SRSF2: variants seen among roughly 807,000 people sequenced by gnomAD.
SRSF2 encodes the protein serine/arginine-rich splicing factor 2.
In SRSF2, 4 loss-of-function variants were observed where a neutral mutation model predicts 15.7. The ratio of observed to expected loss-of-function variants is 0.26; its 90% CI spans 0.13 to 0.58. The LOEUF is 0.58. SRSF2 is among the 20% of genes least tolerant of loss of function. The probability of loss-of-function intolerance (pLI) is 0.90; values close to 1 mark genes in which losing one functional copy is unlikely to be tolerated. For missense variants in SRSF2, 147 were observed against 332.4 expected (o/e 0.44, Z 4.34); for synonymous variants, 192 against 138.9 (o/e 1.38, Z -2.69).
At chr17:76,736,759 G>T (rs2077521367) in intron 1 of SRSF2, 40 bp downstream of exon 1, 2 of 1,396,868 alleles carry the variant, frequency 1.4e-6, no homozygotes, top group African/African-American at 1.5e-5. Context: ...CCTCCCGCGC[G>T]CCCCGCCCCG....
chr17:76,736,559 G>C (rs754830314), intron 1 of SRSF2, 95 bp from the exon 2 acceptor site: 3 of 1,384,542 alleles, frequency 2.2e-6, no homozygotes, highest in Admixed American at 2.4e-5. Flanking sequence ...TTATCTCGCC[G>C]CCAGACGCCA....
At position 76,736,243 on chromosome 17, in the gene SRSF2, A is replaced by G; in HGVS notation, c.584T>C (p.Val195Ala). The G allele has an allele frequency of 1.9e-6, 3 of 1,614,090 alleles. No individual in the cohort carries two copies. Among genetic ancestry groups the G allele is most frequent in the African/African-American group, 1.3e-5 (1 of 75,022 alleles). ...SRSRSRSPPP[V>A]SKRESKSRSR... is the part of the protein sequence containing the mutation. ...CCTGGATTTGGATTCCCTCTTGGAC[A>G]CTGGGGGAGGACTCCTGGACCGAGA... The change falls in exon 2 of 3, where the codon GTG (valine) becomes GCG (alanine). Residue 195 changes from valine (V) to alanine (A), a missense_variant. Around this residue, in one of 2 missense-constraint regions of SRSF2, gnomAD observed 125 missense variants for 185.1 expected, o/e 0.68. Transcript: ENST00000359995.
Position 76,736,940 on chromosome 17 carries a change from G to A in SRSF2, c.221C>T (p.Ala74Val). 1 of 1,613,196 alleles carries A rather than the reference G, an allele frequency of 6.2e-7. No individual in the cohort carries two copies. Among genetic ancestry groups the A allele is most frequent in the Non-Finnish European group, 8.5e-7 (1 of 1,179,908 alleles). Residue 74 changes from alanine to valine, a missense_variant, in exon 1 of 3, where the codon GCC becomes GTC. Transcript: ENST00000359995. ...DKRDAEDAMDAMDGAVLDGRE... is the reference protein window; with the variant it reads ...DKRDAEDAMDVMDGAVLDGRE... ...GCCGTCCAGCACGGCCCCGTCCATG[G>A]CATCCATAGCGTCCTCAGCGTCGCG...
At chr17:76,736,547 CA>C (rs748814345) in intron 1 of SRSF2, 83 bp from the exon 2 acceptor site, 3 of 1,446,798 alleles carry the variant, frequency 2.1e-6, no homozygotes, top group Non-Finnish European at 2.8e-6. Flanking sequence ...CCCAGGCCGC[CA>C]TTATCTCGCC....
chr17:76,736,480 G>A lies in SRSF2; in HGVS notation c.363-16C>T, dbSNP rs983359881. The A allele has an allele frequency of 1.2e-6, 2 of 1,607,542 alleles. No individual in the cohort carries two copies. Among genetic ancestry groups the A allele is most frequent in the Non-Finnish European group, 8.5e-7 (1 of 1,179,700 alleles). The stretch of plus-strand genomic sequence containing the variant: ...CCGCCTAGGGCTGCGGGCGGGACGA[G>A]CAAGCACAGCGGGGTTAATTCCAGG... On this transcript the variant is annotated splice_polypyrimidine_tract_variant and intron_variant, in intron 1 of 2. Transcript: ENST00000359995.
Position 76,737,232 on chromosome 17 carries a change from G to A in SRSF2, c.-72C>T. The A allele has an allele frequency of 6.8e-7, 1 of 1,460,790 alleles. No individual in the cohort carries two copies. The highest frequency in any genetic ancestry group is 9.1e-7 in the Non-Finnish European group (1 of 1,100,776). 90.5% of individuals were successfully genotyped at this position (1,460,790 alleles called of 1,614,324 possible). On this transcript the variant is annotated 5_prime_UTR_variant, in exon 1 of 3. Coordinates refer to ENST00000359995, the MANE Select transcript of SRSF2 (RefSeq NM_001195427.2). ...TCAGCTCTGGGCGGTGCGACGCCGC[G>A]CCTCTCAGGCAGTTGCCTTCCGCGT...
Position 76,734,779 on chromosome 17 carries a change from G to A in SRSF2, c.*387C>T, listed in dbSNP as rs943565755. On this transcript the variant is annotated 3_prime_UTR_variant, in exon 3 of 3. Coordinates refer to ENST00000359995, the MANE Select transcript of SRSF2 (RefSeq NM_001195427.2). ...GCAATGCTGAGTCAATCTCTTGACA[G>A]CTTTAGGCTGTGTGTAATGGCTGCA... 2 of 238,118 alleles carry A rather than the reference G, an allele frequency of 8.4e-6. No individual in the cohort carries two copies. The highest frequency in any genetic ancestry group is 6.5e-5 in the East Asian group (1 of 15,290). 14.8% of individuals were successfully genotyped at this position (238,118 alleles called of 1,614,324 possible). A position where few individuals can be genotyped will look rare whatever the true frequency, so the allele number is the denominator to read the frequency against.
In SRSF2 at chr17:76,734,172, A is replaced by G. The variant is rs1207195617; in HGVS notation, c.*994T>C. On this transcript the variant is annotated 3_prime_UTR_variant, in exon 3 of 3. Transcript: ENST00000359995. ...TAATTAAACTACAGAAACAATGGTT[A>G]TAATACAGAATATTCATAAGCAAAA... is the stretch of plus-strand genomic sequence containing the variant. The G allele has an allele frequency of 4.7e-6, 1 of 213,530 alleles. No homozygotes were observed. The highest frequency in any genetic ancestry group is 9.5e-6 in the Non-Finnish European group (1 of 105,524). The allele number at this position is 213,530 out of a possible 1,614,324, so 13.2% of individuals were successfully genotyped here.
Position 76,737,185 on chromosome 17 carries a change from C to T in SRSF2, c.-25G>A, listed in dbSNP as rs1357754216. On this transcript the variant is annotated 5_prime_UTR_variant, in exon 1 of 3. Transcript: ENST00000359995. Reference sequence around the variant, plus strand: ...TAGCTCTGAGTGGCGGCCCGGAGCCCCGCGAACTGGCGCCGGCTTCCTCAG... The same window carrying T: ...TAGCTCTGAGTGGCGGCCCGGAGCCTCGCGAACTGGCGCCGGCTTCCTCAG... 2.0e-6 allele frequency: 3 copies of T among 1,523,478 alleles called. No individual in the cohort carries two copies. Among genetic ancestry groups the T allele is most frequent in the Non-Finnish European group, 2.7e-6 (3 of 1,129,692 alleles). The allele number at this position is 1,523,478 out of a possible 1,614,324, so 94.4% of individuals were successfully genotyped here.
chr17:76,736,269 C>T lies in SRSF2; in HGVS notation c.558G>A (p.Arg186=), dbSNP rs937212716. The change falls in exon 2 of 3, where the codon CGG becomes CGA. Residue 186 remains arginine (R), a synonymous_variant. Transcript: ENST00000359995. ...CTGGGGGAGGACTCCTGGACCGAGACCGGGACCTGGACCGCGAACGAGATC... is the reference window on the plus strand; with the variant it reads ...CTGGGGGAGGACTCCTGGACCGAGATCGGGACCTGGACCGCGAACGAGATC... ...VSRSRSRSRS[R]SRSRSPPPVS... 5.0e-6 allele frequency: 8 copies of T among 1,614,050 alleles called. No homozygotes were observed. In the Admixed American group the frequency reaches 6.7e-5, roughly 13 times the overall value.
Position 76,736,822 on chromosome 17 carries a change from A to T in SRSF2, c.339T>A (p.Gly113=). 1.3e-6 allele frequency: 2 copies of T among 1,593,024 alleles called. No individual in the cohort carries two copies. Among genetic ancestry groups the T allele is most frequent in the Non-Finnish European group, 1.7e-6 (2 of 1,170,614 alleles). ...ACCTGCGGCTCCGGCGTCCGTAGCCACCGCCCCCGTACCTGCGGGGTGGCG... is the reference window on the plus strand; with the variant it reads ...ACCTGCGGCTCCGGCGTCCGTAGCCTCCGCCCCCGTACCTGCGGGGTGGCG... ...RGPPPRRYGG[G]GYGRRSRSPR... is the part of the protein sequence containing the mutation. Residue 113 remains glycine, a synonymous_variant, in exon 1 of 3, where the codon GGT becomes GGA. Coordinates refer to ENST00000359995, the MANE Select transcript of SRSF2 (RefSeq NM_001195427.2).
At position 76,737,201 on chromosome 17, in the gene SRSF2, G is replaced by A. The variant is rs1239064677; in HGVS notation, c.-41C>T. ...CCCGGAGCCCCGCGAACTGGCGCCG[G>A]CTTCCTCAGCTCTGGGCGGTGCGAC... is the stretch of plus-strand genomic sequence containing the variant. On this transcript the variant is annotated 5_prime_UTR_variant, in exon 1 of 3. Transcript: ENST00000359995. 2.0e-6 allele frequency: 3 copies of A among 1,505,256 alleles called. No individual in the cohort carries two copies. Among genetic ancestry groups the A allele is most frequent in the African/African-American group, 1.4e-5 (1 of 72,306 alleles). 93.2% of individuals were successfully genotyped at this position (1,505,256 alleles called of 1,614,324 possible).
At chr17:76,735,647 T>C (rs1314520849) in intron 2 of SRSF2, 2 of 254,182 alleles carry the variant, frequency 7.9e-6, no homozygotes, top group East Asian at 1.2e-4. Context: ...TTCCAAATGT[T>C]CACTGCTTCT....
At chr17:76,736,634 G>A (rs887566542) in intron 1 of SRSF2, 165 bp downstream of exon 1, 10 of 1,153,384 alleles carry the variant, frequency 8.7e-6, no homozygotes, top group East Asian at 3.2e-5. Context: ...CTCCCGGGTC[G>A]CAGACGGCGG....
At chr17:76,735,216 G>C (rs1270781219) in intron 2 of SRSF2, 58 bp from the exon 3 acceptor site, 1 of 218,672 alleles carries the variant, frequency 4.6e-6, no homozygotes, top group Non-Finnish European at 9.2e-6. Context: ...CATGGTTTCA[G>C]TTTCAGGCAC....
Position 76,736,245 on chromosome 17 carries a change from T to C in SRSF2, c.582A>G (p.Pro194=). 8 of 1,614,086 alleles carry C rather than the reference T, an allele frequency of 5.0e-6. No individual in the cohort carries two copies. The highest frequency in any genetic ancestry group is 6.8e-6 in the Non-Finnish European group (8 of 1,179,984). The change falls in exon 2 of 3, where the codon CCA becomes CCG. Residue 194 remains proline (P), a synonymous_variant. Coordinates refer to ENST00000359995, the MANE Select transcript of SRSF2 (RefSeq NM_001195427.2). The part of the protein sequence containing the change: ...RSRSRSRSPP[P]VSKRESKSRS... ...TGGATTTGGATTCCCTCTTGGACAC[T>C]GGGGGAGGACTCCTGGACCGAGACC...
chr17:76,736,473 G>C lies in SRSF2; in HGVS notation c.363-9C>G. The C allele has an allele frequency of 3.1e-6, 5 of 1,609,136 alleles. No homozygotes were observed. The highest frequency in any genetic ancestry group is 4.2e-6 in the Non-Finnish European group (5 of 1,179,816). ...GGCGACGCCGCCTAGGGCTGCGGGCGGGACGAGCAAGCACAGCGGGGTTAA... is the reference window on the plus strand; with the variant it reads ...GGCGACGCCGCCTAGGGCTGCGGGCCGGACGAGCAAGCACAGCGGGGTTAA... On this transcript the variant is annotated splice_polypyrimidine_tract_variant and intron_variant, in intron 1 of 2. Coordinates refer to ENST00000359995, the MANE Select transcript of SRSF2 (RefSeq NM_001195427.2).
In SRSF2 at chr17:76,734,904, C is replaced by G; in HGVS notation, c.*262G>C. ...ACTATATAACAAAATGAAATTTTAC[C>G]TCAAATATCCAAATCCAATAATGAA... On this transcript the variant is annotated 3_prime_UTR_variant, in exon 3 of 3. Transcript: ENST00000359995. The G allele has an allele frequency of 4.2e-6, 1 of 236,314 alleles. No individual in the cohort carries two copies. Among genetic ancestry groups the G allele is most frequent in the Non-Finnish European group, 8.9e-6 (1 of 112,426 alleles). 14.6% of individuals were successfully genotyped at this position (236,314 alleles called of 1,614,324 possible). A position where few individuals can be genotyped will look rare whatever the true frequency, so the allele number is the denominator to read the frequency against.
At chr17:76,736,652 C>G (rs2143937318) in intron 1 of SRSF2, 147 bp downstream of exon 1, 2 of 1,184,948 alleles carry the variant, frequency 1.7e-6, no homozygotes, top group African/African-American at 3.2e-5. Context: ...CGGAAGCTCG[C>G]GGGGTGGCCG....
Sources: gnomAD v4.1 joint callset for allele counts on GRCh38, gnomAD v4.1.1 for gene constraint, gnomAD v4.1.1 regional missense constraint, MANE v1.5 for transcripts, NCBI Gene and HGNC (gene_info 2026-07-23, HGNC 2026-07-21) for gene names.